The following NBEAL1 variants were observed in gnomAD, a reference collection of about 807,000 sequenced individuals.
NBEAL1 encodes the protein neurobeachin-like protein 1.
In NBEAL1, 273 loss-of-function variants were observed where a neutral mutation model predicts 351.3. That is an observed-to-expected ratio of 0.78 (90% CI 0.70 to 0.86). The LOEUF (loss-of-function observed/expected upper bound fraction) is 0.86, where lower values mean the gene tolerates loss of function less well. Among genes scored for constraint, NBEAL1 ranks in the 40% least tolerant of loss-of-function variants. The pLI is 0.00. For missense variants in NBEAL1, 2,961 were observed against 3,201.3 expected (o/e 0.92, Z 1.81); for synonymous variants, 1,050 against 1,086.4 (o/e 0.97, Z 0.66).
intron 33 of NBEAL1, among the ~76,000 whole-genome samples, chr2:203,145,734 G>A (rs1048167404): frequency 2.9e-4 from 43 of 149,764 alleles, no homozygotes; most frequent in Admixed American, 8.0e-4. Flanking sequence ...GGAGGCAGAG[G>A]TTGCAGTGAG....
At chr2:203,109,453 T>C (rs1171524715) in intron 14 of NBEAL1, among the ~76,000 whole-genome samples, 2 of 152,238 alleles carry the variant, frequency 1.3e-5, no homozygotes, top group African/African-American at 4.8e-5. Flanking sequence ...TATATTTATA[T>C]GAAGGAACAG....
chr2:203,114,763 GT>G (rs1396575085), intron 17 of NBEAL1, among the ~76,000 whole-genome samples: 1 of 151,264 alleles, frequency 6.6e-6, no homozygotes. Flanking sequence ...TTGTTTGTTT[GT>G]TTTTTTGAGA....
At chr2:203,029,634 G>A (rs1031165100) in intron 2 of NBEAL1, among the ~76,000 whole-genome samples, 2 of 149,904 alleles carry the variant, frequency 1.3e-5, no homozygotes, top group East Asian at 2.0e-4. Context: ...TGAGGCTGCA[G>A]TGAGCCATGA....
chr2:203,129,511 C>T (rs1229538157), intron 24 of NBEAL1, among the ~76,000 whole-genome samples: 3 of 152,126 alleles, frequency 2.0e-5, no homozygotes, highest in Non-Finnish European at 4.4e-5. Context: ...ATAGCTGTAT[C>T]TATGATTCAT....
chr2:203,034,244 G>A (rs2061002587), intron 2 of NBEAL1, among the ~76,000 whole-genome samples: 1 of 149,260 alleles, frequency 6.7e-6, no homozygotes, highest in Non-Finnish European at 1.5e-5. Flanking sequence ...TGCAACCTCT[G>A]CTTCCCGGGT....
In NBEAL1 at chr2:203,136,118, G is replaced by A; in HGVS notation, c.4255G>A (p.Val1419Met). Residue 1419 changes from valine (V) to methionine (M), a missense_variant, in exon 28 of 56, where the codon GTG becomes ATG. Physicochemically the swap from Val to Met is conservative, Grantham distance 21. Coordinates refer to ENST00000683969, the MANE Select transcript of NBEAL1 (RefSeq NM_001378026.1). Reference protein sequence around the residue: ...SCEMSDSGSQVPDSLPSTPSP... With the variant: ...SCEMSDSGSQMPDSLPSTPSP... ...TGAAATGAGTGATAGTGGAAGTCAA[G>A]TGCCAGACAGTCTGCCTAGCACACC... The A allele has an allele frequency of 1.9e-6, 3 of 1,614,164 alleles. No individual in the cohort carries two copies. The highest frequency in any genetic ancestry group is 1.7e-6 in the Non-Finnish European group (2 of 1,180,030).
intron 42 of NBEAL1, among the ~76,000 whole-genome samples, chr2:203,180,076 A>C (rs2064657077): frequency 6.6e-6 from 1 of 152,330 alleles, no homozygotes; most frequent in African/African-American, 2.4e-5. Flanking sequence ...ACCCAGCCCT[A>C]AAAAGACTCT....
chr2:203,193,379 C>G (rs2065149638), intron 46 of NBEAL1, among the ~76,000 whole-genome samples: 1 of 152,094 alleles, frequency 6.6e-6, no homozygotes, highest in Non-Finnish European at 1.5e-5. Flanking sequence ...GTGTAAGATA[C>G]TAGTCTAGTA....
intron 2 of NBEAL1, among the ~76,000 whole-genome samples, chr2:203,039,560 A>AT (rs552658108): frequency 0.027 from 3,643 of 133,282 alleles, 173 homozygotes; most frequent in Non-Finnish European, 0.041. Context: ...CACCTGTCTA[A>AT]TTTTTGTATT....
At chr2:203,159,211 G>C (rs2063881429) in intron 36 of NBEAL1, among the ~76,000 whole-genome samples, 1 of 151,888 alleles carries the variant, frequency 6.6e-6, no homozygotes. Flanking sequence ...TGTTAATCCA[G>C]GTATATCTCA....
At chr2:203,174,572 A>G (rs2064433482) in intron 41 of NBEAL1, among the ~76,000 whole-genome samples, 1 of 152,094 alleles carries the variant, frequency 6.6e-6, no homozygotes, top group Admixed American at 6.6e-5. Flanking sequence ...TTTTTCTACA[A>G]TGAACATGTA....
intron 2 of NBEAL1, among the ~76,000 whole-genome samples, chr2:203,029,279 C>G (rs1352568909): frequency 1.3e-5 from 2 of 152,160 alleles, no homozygotes; most frequent in Admixed American, 1.3e-4. Flanking sequence ...CATGAGCCCC[C>G]ACACCCAGCC....
intron 2 of NBEAL1, among the ~76,000 whole-genome samples, chr2:203,034,880 A>T (rs2106027450): frequency 6.7e-6 from 1 of 149,410 alleles, no homozygotes; most frequent in Admixed American, 6.7e-5. Context: ...TTGGTAGGAT[A>T]TTAGAAAATA....
chr2:203,095,729 C>T (rs1223940748), intron 10 of NBEAL1, among the ~76,000 whole-genome samples: 11 of 152,062 alleles, frequency 7.2e-5, no homozygotes, highest in African/African-American at 2.7e-4. Context: ...CTTTAAAAAC[C>T]TTTGCTTGTA....
At chr2:203,138,588 TTTTA>T (rs757574258) in intron 30 of NBEAL1, 28 bp from the exon 31 acceptor site, 24 of 1,561,158 alleles carry the variant, frequency 1.5e-5, no homozygotes, top group Non-Finnish European at 1.9e-5. Flanking sequence ...AACTGAATGT[TTTTA>T]TTTCTCAATT....
At chr2:203,119,865 A>G (rs1343384774) in intron 18 of NBEAL1, among the ~76,000 whole-genome samples, 2 of 152,222 alleles carry the variant, frequency 1.3e-5, no homozygotes, top group African/African-American at 4.8e-5. Flanking sequence ...ATTATAACTT[A>G]GTTGTTAACA....
At chr2:203,063,345 G>A (rs1433838626) in intron 6 of NBEAL1, among the ~76,000 whole-genome samples, 1 of 151,812 alleles carries the variant, frequency 6.6e-6, no homozygotes, top group Admixed American at 6.6e-5. Flanking sequence ...GTACTTGGGA[G>A]GCTGAGGTGA....
chr2:203,114,234 G>A (rs1022724434), intron 17 of NBEAL1, among the ~76,000 whole-genome samples: 1 of 151,980 alleles, frequency 6.6e-6, no homozygotes, highest in Non-Finnish European at 1.5e-5. Context: ...GTCACATTGG[G>A]GATTATGGCT....
chr2:203,092,659 C>T (rs1275562703), intron 10 of NBEAL1, among the ~76,000 whole-genome samples: 1 of 152,166 alleles, frequency 6.6e-6, no homozygotes, highest in African/African-American at 2.4e-5. Context: ...AATGAAACTA[C>T]TTCAAAGAGC....
Sources: gnomAD v4.1 joint callset for allele counts (sites outside exome capture counted in the v4.1 genomes callset) on GRCh38, gnomAD v4.1.1 for gene constraint, MANE v1.5 for transcripts, NCBI Gene and HGNC (gene_info 2026-07-23, HGNC 2026-07-21) for gene names.